Variants in GAB4 observed in about 807,000 individuals in gnomAD.
GAB4 encodes the protein GRB2-associated-binding protein 4.
Under a neutral mutation model 51.3 loss-of-function variants are expected in GAB4, and 26 were observed. The ratio of observed to expected loss-of-function variants is 0.51; its 90% CI spans 0.37 to 0.70. The LOEUF (loss-of-function observed/expected upper bound fraction) is 0.70. GAB4 is among the 30% of genes least tolerant of loss of function. The probability of loss-of-function intolerance (pLI) is 0.00; values close to 1 mark genes in which losing one functional copy is unlikely to be tolerated. For missense variants in GAB4, 759 were observed against 734.6 expected, an observed-to-expected ratio of 1.03 and a Z score of -0.38; for synonymous variants, 329 against 291.2, an observed-to-expected ratio of 1.13 and a Z score of -1.32.
chr22:16,991,789 G>T, intron 2 of GAB4, 84 bp downstream of exon 2: 1 of 1,185,870 alleles, frequency 8.4e-7, no homozygotes, highest in Non-Finnish European at 1.2e-6. Context: ...TGGCAGTGTT[G>T]GCAGCTAGAG....
chr22:16,968,871 TC>T (rs1183675978), intron 4 of GAB4, among the ~76,000 whole-genome samples: 4 of 152,220 alleles, frequency 2.6e-5, no homozygotes, highest in African/African-American at 9.6e-5. Context: ...TAACCCAGGA[TC>T]CAGGACCTCA....
chr22:16,984,253 T>A (rs1471213340), intron 3 of GAB4, among the ~76,000 whole-genome samples: 12 of 152,160 alleles, frequency 7.9e-5, no homozygotes, highest in Admixed American at 7.9e-4. Context: ...CCACATGAGA[T>A]ATCATCTCCC....
intron 1 of GAB4, among the ~76,000 whole-genome samples, chr22:17,001,940 A>G (rs1406162021): frequency 1.3e-5 from 2 of 152,156 alleles, no homozygotes; most frequent in East Asian, 1.9e-4. Context: ...GCGAGACTCC[A>G]TGGGCATGGG....
chr22:16,980,809 G>A (rs5994117), intron 3 of GAB4, among the ~76,000 whole-genome samples: 4,234 of 152,184 alleles, frequency 0.028, 246 homozygotes, highest in African/African-American at 0.097. Context: ...CATATGCACC[G>A]TGGAATACTA....
chr22:17,007,201 C>T (rs184331496), intron 1 of GAB4, among the ~76,000 whole-genome samples: 81 of 152,268 alleles, frequency 5.3e-4, no homozygotes, highest in African/African-American at 1.7e-3. Flanking sequence ...CATAGTGACT[C>T]CTAACAATTA....
intron 8 of GAB4, among the ~76,000 whole-genome samples, chr22:16,964,051 T>C (rs2060651337): frequency 6.6e-6 from 1 of 152,128 alleles, no homozygotes. Flanking sequence ...GTCAGTCATC[T>C]GAAACTCCCA....
chr22:16,984,189 G>A (rs1249778014), intron 3 of GAB4, among the ~76,000 whole-genome samples: 5 of 152,036 alleles, frequency 3.3e-5, no homozygotes, highest in African/African-American at 1.2e-4. Flanking sequence ...ATGGCCAACA[G>A]GTAAATGAAA....
intron 3 of GAB4, among the ~76,000 whole-genome samples, chr22:16,975,651 C>T (rs553838789): frequency 3.9e-5 from 6 of 152,304 alleles, no homozygotes; most frequent in South Asian, 4.1e-4. Context: ...GCACAACGCC[C>T]GAGCCCTGCT....
chr22:16,975,577 C>T (rs1448097417), intron 3 of GAB4, among the ~76,000 whole-genome samples: 2 of 152,158 alleles, frequency 1.3e-5, no homozygotes, highest in South Asian at 4.1e-4. Flanking sequence ...CAGCTGTGGG[C>T]GCAGTTTCAG....
At position 17,008,086 on chromosome 22, in the gene GAB4, C is replaced by T. The variant is rs1376478982; in HGVS notation, c.29G>A (p.Arg10Gln). The change falls in exon 1 of 10, where the codon CGG (arginine) becomes CAG (glutamine). Residue 10 changes from arginine to glutamine, a missense_variant. Coordinates refer to ENST00000400588, the MANE Select transcript of GAB4 (RefSeq NM_001037814.1). The part of the protein sequence containing the change: MSLPSPSPS[R>Q]ELCPPDPAFA... ...TGCCGGGTCAGGTGGGCACAGCTCC[C>T]GGGAGGGTGAGGGGGACGGCAGGGA... The T allele has an allele frequency of 6.2e-7, 1 of 1,607,420 alleles. No homozygotes were observed. The highest frequency in any genetic ancestry group is 1.7e-5 in the Admixed American group (1 of 59,280).
intron 3 of GAB4, among the ~76,000 whole-genome samples, chr22:16,985,750 C>T (rs895645300): frequency 3.2e-4 from 49 of 152,254 alleles, no homozygotes; most frequent in African/African-American, 1.2e-3. Flanking sequence ...CATGGCAGTG[C>T]TGTTCCTAAG....
intron 1 of GAB4, among the ~76,000 whole-genome samples, chr22:16,992,746 T>C (rs1461066411): frequency 6.6e-6 from 1 of 152,206 alleles, no homozygotes. Flanking sequence ...AGGGACACAG[T>C]CTTACTCTGT....
chr22:16,977,539 A>G (rs1213503297), intron 3 of GAB4, among the ~76,000 whole-genome samples: 3 of 152,106 alleles, frequency 2.0e-5, no homozygotes, highest in African/African-American at 4.8e-5. Flanking sequence ...GTTCTTCTGG[A>G]CTACAAAGAG....
intron 1 of GAB4, among the ~76,000 whole-genome samples, chr22:16,996,301 G>T (rs2060948820): frequency 6.6e-6 from 1 of 151,942 alleles, no homozygotes; most frequent in Non-Finnish European, 1.5e-5. Flanking sequence ...AGAAATATGG[G>T]ACTATGTGAA....
chr22:16,983,050 T>A (rs532760176), intron 3 of GAB4, among the ~76,000 whole-genome samples: 1 of 152,184 alleles, frequency 6.6e-6, no homozygotes, highest in African/African-American at 2.4e-5. Context: ...GGATCACAGG[T>A]TGATTGTATC....
At chr22:17,000,776 A>G (rs1258344924) in intron 1 of GAB4, among the ~76,000 whole-genome samples, 2 of 152,156 alleles carry the variant, frequency 1.3e-5, no homozygotes, top group African/African-American at 2.4e-5. Context: ...GTGGCTGTGC[A>G]AAGGTTGTCC....
chr22:16,974,312 A>G (rs536898194), intron 3 of GAB4, among the ~76,000 whole-genome samples: 3 of 152,372 alleles, frequency 2.0e-5, no homozygotes, highest in Admixed American at 2.0e-4. Context: ...TGTCAGGTGC[A>G]TGACATGTGA....
intron 1 of GAB4, among the ~76,000 whole-genome samples, chr22:16,996,805 T>TC (rs2060953054): frequency 2.1e-5 from 2 of 94,012 alleles, no homozygotes; most frequent in Admixed American, 1.3e-4. Flanking sequence ...ATGATATCCC[T>TC]CCCCCCTCCC....
chr22:16,970,108 A>G lies in GAB4; in HGVS notation c.772T>C (p.Tyr258His). 1.9e-6 allele frequency: 3 copies of G among 1,614,102 alleles called. No homozygotes were observed. The highest frequency in any genetic ancestry group is 2.5e-6 in the Non-Finnish European group (3 of 1,180,010). Residue 258 changes from tyrosine (Y) to histidine (H), a missense_variant, in exon 4 of 10, where the codon TAC becomes CAC. This residue lies in a region of GAB4 where 588 missense variants were observed against 510.2 expected (regional missense o/e 1.15). Coordinates refer to ENST00000400588, the MANE Select transcript of GAB4 (RefSeq NM_001037814.1). ...AMQNLAQHSG[Y>H]SVDGVSGHIH... ...TGACCGCTGACCCCATCAACACTGT[A>G]TCCACTGTGCTGGGCAAGATTTTGC... is the stretch of plus-strand genomic sequence containing the variant.
Sources: gnomAD v4.1 joint callset for allele counts (sites outside exome capture counted in the v4.1 genomes callset) on GRCh38, gnomAD v4.1.1 for gene constraint, gnomAD v4.1.1 regional missense constraint, MANE v1.5 for transcripts, NCBI Gene and HGNC (gene_info 2026-07-23, HGNC 2026-07-21) for gene names.